ETS2: variants seen among roughly 807,000 people sequenced by gnomAD.
ETS2 encodes ETS proto-oncogene 2, transcription factor, also known as protein C-ets-2.
In ETS2, 19 loss-of-function variants were observed where a neutral mutation model predicts 54.9. The ratio of observed to expected loss-of-function variants is 0.35; its 90% CI spans 0.24 to 0.51. The LOEUF (loss-of-function observed/expected upper bound fraction) is 0.51. Ranked by LOEUF, ETS2 falls within the 20% of genes least tolerant of loss-of-function variation. The pLI, the probability that ETS2 is intolerant of heterozygous loss-of-function variation, is 0.97. For missense variants in ETS2, 417 were observed against 593.0 expected (o/e 0.70, Z 3.08); for synonymous variants, 219 against 229.3 (o/e 0.95, Z 0.41).
At chr21:38,805,675 T>G (rs1349847168), upstream of ETS2, 1 of 1,184,336 alleles carries the variant, frequency 8.4e-7, no homozygotes, top group Non-Finnish European at 1.1e-6. This position sits in a 1 kb window ranked among gnomAD's most constrained non-coding sequence, Gnocchi z 5.2. Context: ...GCCCTCCTCT[T>G]CTCTCCCCTC....
intron 9 of ETS2, among the ~76,000 whole-genome samples, chr21:38,822,400 T>C (rs1296628082): frequency 6.6e-6 from 1 of 152,214 alleles, no homozygotes; most frequent in East Asian, 1.9e-4. Context: ...CTCCTGGCTC[T>C]GAACCCTTGG....
chr21:38,806,854 T>C lies in ETS2; in HGVS notation c.-1+734T>C, dbSNP rs763647208. The stretch of plus-strand genomic sequence containing the variant: ...GTGTGTTTGGGTTGCGTGTGTGTTA[T>C]CCTATTTTATTTTTTACGGCAGGAG... On this transcript the variant is annotated intron_variant, in intron 1 of 9. Transcript: ENST00000360938. This position sits in a 1 kb window ranked among gnomAD's most constrained non-coding sequence, Gnocchi z 4.3. 109 of 985,126 alleles carry C rather than the reference T, an allele frequency of 1.1e-4. No homozygotes were observed. Among genetic ancestry groups the C allele is most frequent in the Non-Finnish European group, 1.2e-4 (99 of 829,760 alleles). 61.0% of individuals were successfully genotyped at this position (985,126 alleles called of 1,614,324 possible).
intron 5 of ETS2, among the ~76,000 whole-genome samples, chr21:38,816,477 G>A (rs1053531384): frequency 5.3e-5 from 8 of 152,080 alleles, no homozygotes; most frequent in African/African-American, 1.4e-4. Context: ...TAATATATTC[G>A]TAGTAAGTAT....
rs376004538 is a variant in ETS2 at position 38,822,777 on chromosome 21, C to T, written c.1298C>T (p.Thr433Met). The change falls in exon 10 of 10, where the codon ACG (threonine) becomes ATG (methionine). Residue 433 changes from threonine (T) to methionine (M), a missense_variant. This residue lies in a region of ETS2 where 60 missense variants were observed against 134.1 expected (regional missense o/e 0.45). Transcript: ENST00000360938. ...TACGACAAGAACATCATCCACAAGA[C>T]GTCGGGGAAGCGCTACGTGTACCGC... ...YYYDKNIIHKTSGKRYVYRFV... is the reference protein window; with the variant it reads ...YYYDKNIIHKMSGKRYVYRFV... 3.7e-6 allele frequency: 6 copies of T among 1,614,064 alleles called. No homozygotes were observed. The highest frequency in any genetic ancestry group is 5.1e-6 in the Non-Finnish European group (6 of 1,180,032).
chr21:38,805,958 G>A lies in ETS2; in HGVS notation c.-163G>A, dbSNP rs2060890474. 1 of 1,270,138 alleles carries A rather than the reference G, an allele frequency of 7.9e-7. No individual in the cohort carries two copies. The highest frequency in any genetic ancestry group is 1.6e-5 in the African/African-American group (1 of 63,204). 78.7% of individuals were successfully genotyped at this position (1,270,138 alleles called of 1,614,324 possible). A position where few individuals can be genotyped will look rare whatever the true frequency, so the allele number is the denominator to read the frequency against. On this transcript the variant is annotated 5_prime_UTR_variant, in exon 1 of 10. Coordinates refer to ENST00000360938, the MANE Select transcript of ETS2 (RefSeq NM_005239.6). This position sits in a 1 kb window ranked among gnomAD's most constrained non-coding sequence, Gnocchi z 5.2. The stretch of plus-strand genomic sequence containing the variant: ...ACTTCCTCCAGAGACTGACGAGTGC[G>A]GTGTCGCTCCAGCTCAGAGCTCCCG...
chr21:38,812,924 C>A, intron 2 of ETS2, 79 bp from the exon 3 acceptor site: 3 of 983,902 alleles, frequency 3.0e-6, no homozygotes, highest in South Asian at 1.3e-5. Flanking sequence ...GGTAGGATTG[C>A]CCACAGACCA....
chr21:38,817,093 T>A lies in ETS2; in HGVS notation c.589+2T>A. Reference sequence around the variant, plus strand: ...ATTGGATTAACAGCAATACATTAGGTCAGTCCGATTGATTCTGCCCTTAAG... The same window carrying A: ...ATTGGATTAACAGCAATACATTAGGACAGTCCGATTGATTCTGCCCTTAAG... On this transcript the variant is annotated splice_donor_variant, in intron 6 of 9. Coordinates refer to ENST00000360938, the MANE Select transcript of ETS2 (RefSeq NM_005239.6). LOFTEE classifies it high-confidence loss of function. The A allele has an allele frequency of 6.3e-7, 1 of 1,580,304 alleles. No homozygotes were observed. Among genetic ancestry groups the A allele is most frequent in the Non-Finnish European group, 8.7e-7 (1 of 1,149,486 alleles).
chr21:38,817,594 C>T (rs2060940472), intron 6 of ETS2, among the ~76,000 whole-genome samples: 1 of 152,200 alleles, frequency 6.6e-6, no homozygotes, highest in Non-Finnish European at 1.5e-5. Flanking sequence ...TTTAGTGTAG[C>T]AAACAAGAGG....
intron 3 of ETS2, among the ~76,000 whole-genome samples, chr21:38,813,892 G>A (rs751940105): frequency 1.3e-5 from 2 of 152,144 alleles, no homozygotes; most frequent in South Asian, 2.1e-4. Context: ...TCAGCTCTAC[G>A]CCTAGTTTAA....
intron 2 of ETS2, among the ~76,000 whole-genome samples, chr21:38,810,940 T>C (rs946973209): frequency 2.0e-5 from 3 of 152,234 alleles, no homozygotes; most frequent in East Asian, 1.9e-4. Context: ...TGCAGTATTC[T>C]AAAGGTCATC....
intron 6 of ETS2, among the ~76,000 whole-genome samples, chr21:38,818,022 T>A (rs2060942112): frequency 6.6e-6 from 1 of 152,190 alleles, no homozygotes; most frequent in Non-Finnish European, 1.5e-5. Flanking sequence ...CAGAGTGGGC[T>A]GTGCCTCAGC....
At position 38,806,471 on chromosome 21, in the gene ETS2, G is replaced by A. The variant is rs980405936; in HGVS notation, c.-1+351G>A. The A allele has an allele frequency of 1.5e-5, 15 of 985,392 alleles. No individual in the cohort carries two copies. In the Admixed American group the frequency reaches 2.5e-4, roughly 16 times the overall value. 61.0% of individuals were successfully genotyped at this position (985,392 alleles called of 1,614,324 possible). A position where few individuals can be genotyped will look rare whatever the true frequency, so the allele number is the denominator to read the frequency against. On this transcript the variant is annotated intron_variant, in intron 1 of 9. Transcript: ENST00000360938. This position sits in a 1 kb window ranked among gnomAD's most constrained non-coding sequence, Gnocchi z 4.3. ...AAAAGGAAACGCAGGCCTGGTAGGG[G>A]GTCCTGCCCAGTGGATGTCCCGGCG...
chr21:38,810,073 C>G lies in ETS2; in HGVS notation c.39C>G (p.Ala13=). 6.4e-7 allele frequency: 1 copy of G among 1,562,748 alleles called. No homozygotes were observed. The change falls in exon 2 of 10, where the codon GCC becomes GCG. Residue 13 remains alanine, a synonymous_variant. Transcript: ENST00000360938. ...DFGIKNMDQV[A]PVANSYRGTL... ...GAATCAAGAATATGGACCAGGTAGC[C>G]CCTGTGGCTAACAGTTACAGAGGGA...
intron 1 of ETS2, among the ~76,000 whole-genome samples, chr21:38,808,432 GCC>G (rs1466140248): frequency 6.6e-6 from 1 of 152,194 alleles, no homozygotes; most frequent in Non-Finnish European, 1.5e-5. Flanking sequence ...CAAGACTGCT[GCC>G]CCTCTCTGTC....
upstream of ETS2, chr21:38,805,907 C>T (rs1327228262): frequency 1.6e-6 from 2 of 1,235,224 alleles, no homozygotes; most frequent in Admixed American, 2.8e-5. This position sits in a 1 kb window ranked among gnomAD's most constrained non-coding sequence, Gnocchi z 5.2. Flanking sequence ...TCCTGAAGAG[C>T]GCGCCGCGTG....
chr21:38,806,160 C>T lies in ETS2; in HGVS notation c.-1+40C>T. The T allele has an allele frequency of 9.9e-7, 1 of 1,010,480 alleles. No homozygotes were observed. The highest frequency in any genetic ancestry group is 1.2e-6 in the Non-Finnish European group (1 of 846,818). The allele number at this position is 1,010,480 out of a possible 1,614,324, so 62.6% of individuals were successfully genotyped here. On this transcript the variant is annotated intron_variant, in intron 1 of 9. Coordinates refer to ENST00000360938, the MANE Select transcript of ETS2 (RefSeq NM_005239.6). This position sits in a 1 kb window ranked among gnomAD's most constrained non-coding sequence, Gnocchi z 4.3. ...CGCAGAGAGCGCCCGGCGCGCGGCT[C>T]CAGTCCCATGGAGGGTCACCCGGGG...
Position 38,824,674 on chromosome 21 carries a change from T to G in ETS2, c.*1785T>G, listed in dbSNP as rs1476713981. 1 of 152,624 alleles carries G rather than the reference T, an allele frequency of 6.6e-6. No homozygotes were observed. Among genetic ancestry groups the G allele is most frequent in the Non-Finnish European group, 1.5e-5 (1 of 68,040 alleles). The allele number at this position is 152,624 out of a possible 1,614,324, so 9.5% of individuals were successfully genotyped here. ...TCTCAAGAGGGATGTATTTATCACT[T>G]GGACATCTGTTTATAATATAAACAG... On this transcript the variant is annotated 3_prime_UTR_variant, in exon 10 of 10. Coordinates refer to ENST00000360938, the MANE Select transcript of ETS2 (RefSeq NM_005239.6).
Position 38,806,346 on chromosome 21 carries a change from C to T in ETS2, c.-1+226C>T. ...GAGTGGCCTCCGGGGCTGGCGGGGT[C>T]GGCCGGGGGGTTCCTGCGTGCTAGG... is the stretch of plus-strand genomic sequence containing the variant. On this transcript the variant is annotated intron_variant, in intron 1 of 9. Transcript: ENST00000360938. The surrounding 1 kb of genome is among the most constrained non-coding windows in gnomAD (Gnocchi z 4.3). 1 of 974,028 alleles carries T rather than the reference C, an allele frequency of 1.0e-6. No individual in the cohort carries two copies. The highest frequency in any genetic ancestry group is 1.2e-6 in the Non-Finnish European group (1 of 819,838). The allele number at this position is 974,028 out of a possible 1,614,324, so 60.3% of individuals were successfully genotyped here.
chr21:38,816,479 A>G (rs2060935966), intron 5 of ETS2, among the ~76,000 whole-genome samples: 1 of 152,160 alleles, frequency 6.6e-6, no homozygotes, highest in Admixed American at 6.5e-5. Flanking sequence ...ATATATTCGT[A>G]GTAAGTATGC....
Sources: gnomAD v4.1 joint callset for allele counts (sites outside exome capture counted in the v4.1 genomes callset) on GRCh38, gnomAD v4.1.1 for gene constraint, gnomAD v4.1.1 regional missense constraint, Gnocchi (gnomAD v3.1) non-coding constraint, MANE v1.5 for transcripts, NCBI Gene and HGNC (gene_info 2026-07-23, HGNC 2026-07-21) for gene names.